The following RBFOX1 variants were observed in gnomAD, a reference collection of about 807,000 sequenced individuals.
RBFOX1 encodes the protein RNA binding protein fox-1 homolog 1.
A neutral mutation model predicts 57.7 loss-of-function variants in RBFOX1; 8 were observed. That is an observed-to-expected ratio of 0.14 (90% CI 0.08 to 0.25). RBFOX1 has a LOEUF of 0.25. Among genes scored for constraint, RBFOX1 ranks in the 10% least tolerant of loss-of-function variants. The pLI is 1.00. For missense variants in RBFOX1, 611 were observed against 548.5 expected (o/e 1.11, Z -1.14); for synonymous variants, 326 against 222.4 (o/e 1.47, Z -4.15).
chr16:6,590,130 G>A (rs1295238523), intron 2 of RBFOX1, among the ~76,000 whole-genome samples: 1 of 152,176 alleles, frequency 6.6e-6, no homozygotes, highest in Non-Finnish European at 1.5e-5. Flanking sequence ...CATTTTTTCA[G>A]CGTTAAATAC....
chr16:6,039,178 C>T (rs1371204695), intron 1 of RBFOX1, among the ~76,000 whole-genome samples: 2 of 151,958 alleles, frequency 1.3e-5, no homozygotes, highest in Non-Finnish European at 2.9e-5. Context: ...GGCATTTCCT[C>T]TTCCACTTCC....
At chr16:6,001,228 T>A (rs2060594514) in intron 4 of RBFOX1, among the ~76,000 whole-genome samples, 1 of 152,236 alleles carries the variant, frequency 6.6e-6, no homozygotes, top group African/African-American at 2.4e-5. Flanking sequence ...CCTGGAGCTC[T>A]CCAGTGGCTG....
intron 3 of RBFOX1, among the ~76,000 whole-genome samples, chr16:5,720,764 C>G (rs1040693428): frequency 4.6e-5 from 7 of 152,204 alleles, no homozygotes; most frequent in African/African-American, 1.7e-4. Context: ...TTTATGGACT[C>G]TCAGTTCTAG....
At chr16:5,702,265 CCTT>C (rs1315473195) in intron 3 of RBFOX1, among the ~76,000 whole-genome samples, 6 of 152,160 alleles carry the variant, frequency 3.9e-5, no homozygotes, top group African/African-American at 1.4e-4. Context: ...GAAGCAAGCC[CCTT>C]CTTCACATGC....
At chr16:6,943,708 T>TAAA (rs35455385) in intron 3 of RBFOX1, among the ~76,000 whole-genome samples, 28 of 134,008 alleles carry the variant, frequency 2.1e-4, no homozygotes, top group African/African-American at 6.7e-4. Context: ...ACTCTGTCTT[T>TAAA]AAAAAAAAAA....
chr16:6,566,623 T>G (rs570327779), intron 2 of RBFOX1, among the ~76,000 whole-genome samples: 119 of 152,212 alleles, frequency 7.8e-4, no homozygotes, highest in Non-Finnish European at 1.5e-3. Context: ...AAGGTATTAC[T>G]GATAGGTATT....
chr16:6,927,993 C>G (rs73543228), intron 3 of RBFOX1, among the ~76,000 whole-genome samples: 12,228 of 152,180 alleles, frequency 0.08, 1,450 homozygotes, highest in African/African-American at 0.26. Flanking sequence ...GCTGCTGTTC[C>G]GCTGCTGCTG....
rs59559857 is a variant in RBFOX1 at position 6,129,197 on chromosome 16, A to C, written c.-127+109205A>C. Among the ~76,000 whole-genome samples the C allele has an allele frequency of 1.3e-3, 203 of 152,324 alleles. 1 individual carries two copies. The East Asian group carries it at 0.031, about 23-fold the overall frequency. On this transcript the variant is annotated intron_variant, in intron 1 of 15. Coordinates refer to ENST00000550418, the MANE Select transcript of RBFOX1 (RefSeq NM_018723.4). ...ATAAAGCAAACAGAAACAGACCCTG[A>C]TGTGTCATGGATATTAGAATAATCA...
At chr16:7,606,865 T>C (rs1034845471) in intron 9 of RBFOX1, among the ~76,000 whole-genome samples, 2 of 152,218 alleles carry the variant, frequency 1.3e-5, no homozygotes, top group African/African-American at 2.4e-5. Flanking sequence ...TTAGAATATA[T>C]TGCTGCCAAG....
At chr16:7,577,063 T>G (rs1357737227) in intron 5 of RBFOX1, among the ~76,000 whole-genome samples, 2 of 152,208 alleles carry the variant, frequency 1.3e-5, no homozygotes, top group East Asian at 3.9e-4. Context: ...GGTTTCAGTG[T>G]TACAGTGTTG....
chr16:5,402,328 G>A (rs1165505015), intron 1 of RBFOX1, among the ~76,000 whole-genome samples: 1 of 152,202 alleles, frequency 6.6e-6, no homozygotes, highest in Non-Finnish European at 1.5e-5. Context: ...CCACCTGGAA[G>A]ACATAGTGCT....
At chr16:6,078,437 AT>A (rs1212705013) in intron 1 of RBFOX1, among the ~76,000 whole-genome samples, 13 of 151,700 alleles carry the variant, frequency 8.6e-5, no homozygotes, top group Non-Finnish European at 1.8e-4. Context: ...ATCAGCTGTC[AT>A]TAGTATTAAT....
intron 2 of RBFOX1, among the ~76,000 whole-genome samples, chr16:6,346,139 C>T (rs1416695265): frequency 1.3e-5 from 2 of 152,120 alleles, no homozygotes. Flanking sequence ...TTGACTTTTC[C>T]CTTTAGCTTA....
chr16:7,140,578 C>A (rs74009243), intron 4 of RBFOX1, among the ~76,000 whole-genome samples: 270 of 152,102 alleles, frequency 1.8e-3, no homozygotes, highest in African/African-American at 5.9e-3. Flanking sequence ...TTGGGGGCAT[C>A]TTTCTATTTT....
At chr16:7,212,128 G>A (rs1204334326) in intron 4 of RBFOX1, among the ~76,000 whole-genome samples, 20 of 152,190 alleles carry the variant, frequency 1.3e-4, no homozygotes, top group Non-Finnish European at 1.5e-5. Context: ...GAAGGAAGGT[G>A]GATAGGATTC....
chr16:7,353,060 A>G (rs2146086153), intron 4 of RBFOX1, among the ~76,000 whole-genome samples: 1 of 152,252 alleles, frequency 6.6e-6, no homozygotes, highest in South Asian at 2.1e-4. Context: ...TTTGTGCATG[A>G]GTTACATAGT....
chr16:6,184,766 G>C (rs1006693393), intron 1 of RBFOX1, among the ~76,000 whole-genome samples: 20 of 150,774 alleles, frequency 1.3e-4, no homozygotes, highest in African/African-American at 1.7e-4. Flanking sequence ...ACGGGGTTTC[G>C]CCATGTTGGC....
chr16:6,219,672 C>T (rs1317887504), intron 1 of RBFOX1, among the ~76,000 whole-genome samples: 1 of 152,010 alleles, frequency 6.6e-6, no homozygotes, highest in Non-Finnish European at 1.5e-5. Context: ...GTCAGGAGTT[C>T]AAGACCAGCC....
intron 4 of RBFOX1, among the ~76,000 whole-genome samples, chr16:6,012,410 C>G (rs2094966944): frequency 6.6e-6 from 1 of 152,134 alleles, no homozygotes; most frequent in Admixed American, 6.5e-5. Context: ...TGGTTCCTAC[C>G]TGGGAAGATT....
Sources: allele counts gnomAD v4.1 joint callset (sites outside exome capture counted in the v4.1 genomes callset), GRCh38; gene constraint gnomAD v4.1.1; transcripts MANE v1.5; gene names NCBI Gene and HGNC (gene_info 2026-07-23, HGNC 2026-07-21).